Variants in ELF1 observed in about 807,000 individuals in gnomAD.
The protein encoded by ELF1 is ETS-related transcription factor Elf-1.
Under a neutral mutation model 59.9 loss-of-function variants are expected in ELF1, and 24 were observed. The observed-to-expected ratio is 0.40, with a 90% CI of 0.29 to 0.56. The LOEUF (loss-of-function observed/expected upper bound fraction) is 0.56. Ranked by LOEUF, ELF1 falls within the 20% of genes least tolerant of loss-of-function variation. The pLI, the probability that ELF1 is intolerant of heterozygous loss-of-function variation, is 0.44. For missense variants in ELF1, 627 were observed against 742.2 expected (o/e 0.84, Z 1.80); for synonymous variants, 248 against 266.2 (o/e 0.93, Z 0.67).
chr13:40,971,317 G>A lies in ELF1; in HGVS notation c.72+10666C>T, dbSNP rs1248196271. Among the ~76,000 whole-genome samples, 3 of 152,148 alleles carry A rather than the reference G, an allele frequency of 2.0e-5. No individual in the cohort carries two copies. In the East Asian group the frequency reaches 5.8e-4, roughly 29 times the overall value. The stretch of plus-strand genomic sequence containing the variant: ...CTGTCACCCAGGCTACAGTGCAGTG[G>A]CAAGATCACAACTCACTGCAGCCCC... On this transcript the variant is annotated intron_variant, in intron 2 of 8. Coordinates refer to ENST00000239882, the MANE Select transcript of ELF1 (RefSeq NM_172373.4).
intron 3 of ELF1, 51 bp from the exon 4 acceptor site, chr13:40,951,487 T>C: frequency 6.8e-7 from 1 of 1,469,348 alleles, no homozygotes; most frequent in African/African-American, 1.4e-5. Flanking sequence ...CATCTGTTAC[T>C]CTGAAAGTCA....
At chr13:41,015,076 G>A (rs1875278729) in intron 1 of ELF1, among the ~76,000 whole-genome samples, 1 of 151,996 alleles carries the variant, frequency 6.6e-6, no homozygotes, top group Admixed American at 6.6e-5. Flanking sequence ...CTTTCAAAAG[G>A]CTGTAAATGC....
At chr13:41,021,689 T>C (rs535339604), upstream of ELF1, among the ~76,000 whole-genome samples, 2 of 152,236 alleles carry the variant, frequency 1.3e-5, no homozygotes, top group South Asian at 4.1e-4. Flanking sequence ...TTAAAATAAG[T>C]CCACACACTG....
intron 1 of ELF1, among the ~76,000 whole-genome samples, chr13:41,033,101 TA>T (rs1174399174): frequency 6.6e-6 from 1 of 152,156 alleles, no homozygotes; most frequent in African/African-American, 2.4e-5. Flanking sequence ...TAGGACACGT[TA>T]AAGAAATGTG....
chr13:40,981,517 G>A (rs1366149565), intron 2 of ELF1, among the ~76,000 whole-genome samples: 1 of 152,012 alleles, frequency 6.6e-6, no homozygotes, highest in Non-Finnish European at 1.5e-5. Flanking sequence ...ATGAAATCTA[G>A]ATCTAGAGAA....
intron 1 of ELF1, among the ~76,000 whole-genome samples, chr13:40,988,509 C>G (rs1019895277): frequency 6.6e-6 from 1 of 152,132 alleles, no homozygotes; most frequent in South Asian, 2.1e-4. Flanking sequence ...AATTAAAATG[C>G]TTTTATATAT....
intron 1 of ELF1, among the ~76,000 whole-genome samples, chr13:40,990,783 C>T (rs1240217168): frequency 4.3e-5 from 6 of 138,590 alleles, no homozygotes; most frequent in East Asian, 4.2e-4. Flanking sequence ...ACCCGGGAGA[C>T]GGAGGGTGCA....
chr13:41,009,086 C>T (rs1431621586), intron 1 of ELF1, among the ~76,000 whole-genome samples: 1 of 151,788 alleles, frequency 6.6e-6, no homozygotes, highest in Non-Finnish European at 1.5e-5. Context: ...CCATACCTGG[C>T]TCAAACTTGT....
chr13:41,001,301 A>G (rs558152588), intron 1 of ELF1, among the ~76,000 whole-genome samples: 1 of 151,946 alleles, frequency 6.6e-6, no homozygotes, highest in African/African-American at 2.4e-5. Context: ...TATTATTTAT[A>G]TGAAGGCTGG....
chr13:41,036,348 C>G (rs1715243894), intron 1 of ELF1, among the ~76,000 whole-genome samples: 1 of 152,170 alleles, frequency 6.6e-6, no homozygotes, highest in Non-Finnish European at 1.5e-5. Flanking sequence ...TTAATACTTT[C>G]TTTGAACTCA....
At chr13:41,042,312 T>A (rs1334792814) in intron 1 of ELF1, among the ~76,000 whole-genome samples, 2 of 151,848 alleles carry the variant, frequency 1.3e-5, no homozygotes, top group African/African-American at 4.8e-5. Context: ...TTCTTTTTTT[T>A]TTTATTATTA....
intron 2 of ELF1, among the ~76,000 whole-genome samples, chr13:40,962,151 C>G (rs1871864482): frequency 6.6e-6 from 1 of 152,126 alleles, no homozygotes; most frequent in Non-Finnish European, 1.5e-5. Context: ...GTGCCCTTCC[C>G]AGAGGCAATC....
rs567139759 is a variant in ELF1 at position 41,058,867 on chromosome 13, G to A, written c.-229+1971C>T. Among the ~76,000 whole-genome samples, 3 of 152,338 alleles carry A rather than the reference G, an allele frequency of 2.0e-5. No homozygotes were observed. In the South Asian group the frequency reaches 6.2e-4, roughly 32 times the overall value. On this transcript the variant is annotated intron_variant, in intron 1 of 1. Transcript: ENST00000405737. ...GGGTGTCTGTAGTCCCAGCTACTTGGGAGGCTGAGGCACGAGAATAGCTTG... is the reference window on the plus strand; with the variant it reads ...GGGTGTCTGTAGTCCCAGCTACTTGAGAGGCTGAGGCACGAGAATAGCTTG...
chr13:40,950,979 A>G (rs1441883935), intron 4 of ELF1, among the ~76,000 whole-genome samples: 1 of 152,232 alleles, frequency 6.6e-6, no homozygotes, highest in Non-Finnish European at 1.5e-5. Flanking sequence ...AATTTTCAAT[A>G]GATTGTTGCC....
chr13:40,933,758 A>T lies in ELF1; in HGVS notation c.1527T>A (p.Thr509=). ...CATTGCAAATGGTCTGAACATTGCT[A>T]GTAAGGACCTGCTGAACCTGGGCAG... is the stretch of plus-strand genomic sequence containing the variant. ...LGPAQVQQVL[T]SNVQTICNGT... is the part of the protein sequence containing the mutation. The change falls in exon 9 of 9, where the codon ACT becomes ACA. Residue 509 remains threonine (T), a synonymous_variant. Transcript: ENST00000239882. 6.2e-7 allele frequency: 1 copy of T among 1,614,284 alleles called. No homozygotes were observed.
chr13:40,990,006 T>A (rs1483195893), intron 1 of ELF1, among the ~76,000 whole-genome samples: 1 of 147,394 alleles, frequency 6.8e-6, no homozygotes, highest in African/African-American at 2.5e-5. Flanking sequence ...TAATAAACAT[T>A]GGTGGAGTAC....
intron 2 of ELF1, among the ~76,000 whole-genome samples, chr13:40,964,872 G>A (rs1334025328): frequency 6.6e-6 from 1 of 152,114 alleles, no homozygotes; most frequent in African/African-American, 2.4e-5. Flanking sequence ...AGGTAGTGGA[G>A]TAAGGGCTCC....
chr13:40,959,007 G>A lies in ELF1; in HGVS notation c.82C>T (p.Pro28Ser), dbSNP rs144442221. ...ACAATTACGGCAGGAAAAATAGCTG[G>A]ATCACCAAGCTGGGAAGGGTTAGGG... ...VMEDERQLGDPAIFPAVIVEH... is the reference protein window; with the variant it reads ...VMEDERQLGDSAIFPAVIVEH... The change falls in exon 3 of 9, where the codon CCA becomes TCA. Residue 28 changes from proline (P) to serine (S), a missense_variant. By Grantham distance (74) the Pro-to-Ser change is moderately conservative. This residue lies in a region of ELF1 where 232 missense variants were observed against 269.2 expected (regional missense o/e 0.86). Transcript: ENST00000239882. 3.7e-6 allele frequency: 6 copies of A among 1,610,306 alleles called. No homozygotes were observed. The highest frequency in any genetic ancestry group is 5.1e-6 in the Non-Finnish European group (6 of 1,178,296).
Position 40,970,419 on chromosome 13 carries a change from GA to G in ELF1, c.73-11404del, listed in dbSNP as rs1194844608. Among the ~76,000 whole-genome samples, 6 of 152,252 alleles carry G rather than the reference GA, an allele frequency of 3.9e-5. No homozygotes were observed. In the East Asian group the frequency reaches 1.2e-3, roughly 29 times the overall value. ...AAATTCAAGATAACATTATACTATA[GA>G]AAACGGGAAAAATACGATCTCTATC... is the stretch of plus-strand genomic sequence containing the variant. On this transcript the variant is annotated intron_variant, in intron 2 of 8. Coordinates refer to ENST00000239882, the MANE Select transcript of ELF1 (RefSeq NM_172373.4).
Sources: allele counts gnomAD v4.1 joint callset (sites outside exome capture counted in the v4.1 genomes callset), GRCh38; gene constraint gnomAD v4.1.1; regional missense constraint gnomAD v4.1.1; transcripts MANE v1.5; gene names NCBI Gene and HGNC (gene_info 2026-07-23, HGNC 2026-07-21).